Variants in SLIT2 observed in about 807,000 individuals in gnomAD.
SLIT2 encodes slit guidance ligand 2.
A neutral mutation model predicts 185.7 loss-of-function variants in SLIT2; 41 were observed. The observed-to-expected ratio is 0.22, with a 90% CI of 0.17 to 0.29. SLIT2 has a LOEUF of 0.29. SLIT2 is among the 10% of genes least tolerant of loss of function. The pLI is 1.00. For synonymous variants in SLIT2, 693 were observed against 680.2 expected, an observed-to-expected ratio of 1.02 and a Z score of -0.29; for missense variants, 1,571 against 1,909.0, an observed-to-expected ratio of 0.82 and a Z score of 3.30.
chr4:20,564,960 A>G (rs1481534994), intron 26 of SLIT2, among the ~76,000 whole-genome samples: 1 of 152,020 alleles, frequency 6.6e-6, no homozygotes, highest in Non-Finnish European at 1.5e-5. Context: ...GTGGACATTT[A>G]TTAAATAAAT....
chr4:20,301,070 A>C (rs531796796), intron 4 of SLIT2, among the ~76,000 whole-genome samples: 1 of 152,282 alleles, frequency 6.6e-6, no homozygotes, highest in South Asian at 2.1e-4. Flanking sequence ...TTTAAAGGCT[A>C]TGCTCTCTTG....
intron 4 of SLIT2, among the ~76,000 whole-genome samples, chr4:20,405,418 A>G (rs568731462): frequency 6.6e-6 from 1 of 152,106 alleles, no homozygotes; most frequent in East Asian, 1.9e-4. Context: ...CAGAATTTGT[A>G]TTATGGGAGT....
intron 33 of SLIT2, among the ~76,000 whole-genome samples, chr4:20,604,988 A>ACCATGC (rs1438023745): frequency 6.6e-6 from 1 of 151,994 alleles, no homozygotes; most frequent in Non-Finnish European, 1.5e-5. Flanking sequence ...GGCATGCACT[A>ACCATGC]CCATGCCCAG....
chr4:20,596,314 G>C (rs1316773085), intron 31 of SLIT2, 101 bp from the exon 32 acceptor site: 1 of 1,107,236 alleles, frequency 9.0e-7, no homozygotes, highest in East Asian at 2.4e-5. Context: ...AAACAAGGAA[G>C]TGCACATATA....
chr4:20,445,251 T>G (rs1199757201), intron 4 of SLIT2, among the ~76,000 whole-genome samples: 3 of 152,248 alleles, frequency 2.0e-5, no homozygotes, highest in Non-Finnish European at 2.9e-5. Context: ...CTTTCCAGTC[T>G]TGTTTTTATA....
At chr4:20,337,393 G>A (rs555362872) in intron 4 of SLIT2, among the ~76,000 whole-genome samples, 15 of 151,976 alleles carry the variant, frequency 9.9e-5, no homozygotes, top group East Asian at 1.9e-4. Flanking sequence ...ACCTGCCCCC[G>A]TGATTCAATT....
chr4:20,509,450 C>A (rs773250885), intron 9 of SLIT2, among the ~76,000 whole-genome samples: 2 of 152,046 alleles, frequency 1.3e-5, no homozygotes, highest in African/African-American at 2.4e-5. Flanking sequence ...CTGTGGACAT[C>A]CCCTGAGACA....
chr4:20,519,431 G>A lies in SLIT2; in HGVS notation c.1108G>A (p.Gly370Arg). The A allele has an allele frequency of 6.3e-7, 1 of 1,587,224 alleles. No individual in the cohort carries two copies. The highest frequency in any genetic ancestry group is 8.6e-7 in the Non-Finnish European group (1 of 1,156,490). Residue 370 changes from glycine to arginine, a missense_variant, in exon 12 of 37, where the codon GGA (glycine) becomes AGA (arginine). Around this residue, in one of 3 missense-constraint regions of SLIT2, gnomAD observed 1,202 missense variants for 1,416.4 expected, o/e 0.85. Coordinates refer to ENST00000504154, the MANE Select transcript of SLIT2 (RefSeq NM_004787.4). The part of the protein sequence containing the change: ...ITELPKSLFE[G>R]LFSLQLLLLN... ...AGAACTCCCCAAAAGTTTATTTGAAGGACTGTTTTCCTTACAGCTCCTGTA... is the reference window on the plus strand; with the variant it reads ...AGAACTCCCCAAAAGTTTATTTGAAAGACTGTTTTCCTTACAGCTCCTGTA...
intron 3 of SLIT2, among the ~76,000 whole-genome samples, chr4:20,265,220 A>G (rs1712898927): frequency 6.6e-6 from 1 of 152,012 alleles, no homozygotes; most frequent in Non-Finnish European, 1.5e-5. Flanking sequence ...TAATTGTTAT[A>G]TACCTTAATA....
intron 4 of SLIT2, chr4:20,393,776 A>AT (rs1384817676): frequency 6.6e-6 from 1 of 152,016 alleles, no homozygotes; most frequent in Non-Finnish European, 1.5e-5. Flanking sequence ...AGCCATTGTC[A>AT]TTTTATAGAC....
At chr4:20,315,114 A>T (rs1718462455) in intron 4 of SLIT2, among the ~76,000 whole-genome samples, 1 of 152,096 alleles carries the variant, frequency 6.6e-6, no homozygotes, top group Non-Finnish European at 1.5e-5. Flanking sequence ...AATATATAAA[A>T]GTGTGTCTTC....
intron 4 of SLIT2, among the ~76,000 whole-genome samples, chr4:20,272,072 T>C (rs1006804455): frequency 6.6e-6 from 1 of 152,076 alleles, no homozygotes; most frequent in African/African-American, 2.4e-5. Flanking sequence ...GAAATAGTAG[T>C]ACAGTTGCAG....
chr4:20,407,097 C>T (rs1398831550), intron 4 of SLIT2, among the ~76,000 whole-genome samples: 1 of 152,084 alleles, frequency 6.6e-6, no homozygotes, highest in East Asian at 1.9e-4. Flanking sequence ...TCAAAAATGG[C>T]AGAACTAATC....
intron 29 of SLIT2, among the ~76,000 whole-genome samples, chr4:20,576,979 T>G (rs1726129983): frequency 9.7e-6 from 1 of 102,962 alleles, no homozygotes; most frequent in African/African-American, 3.1e-5. Context: ...GAGAGGTAAG[T>G]TTTTTTTTTT....
At chr4:20,535,247 C>T (rs1010528768) in intron 18 of SLIT2, among the ~76,000 whole-genome samples, 7 of 151,658 alleles carry the variant, frequency 4.6e-5, no homozygotes, top group African/African-American at 1.7e-4. Context: ...TGCAGTGAGC[C>T]GAGATTGCTC....
chr4:20,524,000 A>C lies in SLIT2; in HGVS notation c.1275-14A>C, dbSNP rs1013361507. ...CAAGTCATCTATAAAACTGTTCTGT[A>C]TGTGTTTCCAAAGGCATTTGGCCCA... On this transcript the variant is annotated splice_polypyrimidine_tract_variant and intron_variant, in intron 13 of 36. Transcript: ENST00000504154. 6.2e-6 allele frequency: 10 copies of C among 1,613,896 alleles called. No homozygotes were observed. The East Asian group carries it at 1.8e-4, about 29-fold the overall frequency.
intron 3 of SLIT2, among the ~76,000 whole-genome samples, chr4:20,265,604 AATAATT>A (rs1246016284): frequency 6.6e-5 from 10 of 152,070 alleles, no homozygotes; most frequent in African/African-American, 2.4e-4. Flanking sequence ...ACTTTCATGA[AATAATT>A]ATAAAGTACT....
intron 4 of SLIT2, among the ~76,000 whole-genome samples, chr4:20,329,782 G>T (rs1180098547): frequency 6.6e-6 from 1 of 151,998 alleles, no homozygotes; most frequent in East Asian, 1.9e-4. Flanking sequence ...AATCAGACAG[G>T]TTCTAATAAT....
intron 4 of SLIT2, among the ~76,000 whole-genome samples, chr4:20,450,315 T>C (rs1357074960): frequency 6.6e-6 from 1 of 152,218 alleles, no homozygotes; most frequent in South Asian, 2.1e-4. Context: ...GGATGCCCTA[T>C]GGTTTGGGGC....
Sources: gnomAD v4.1 joint callset for allele counts (sites outside exome capture counted in the v4.1 genomes callset) on GRCh38, gnomAD v4.1.1 for gene constraint, gnomAD v4.1.1 regional missense constraint, MANE v1.5 for transcripts, NCBI Gene and HGNC (gene_info 2026-07-23, HGNC 2026-07-21) for gene names.